MTAP: variants seen among roughly 807,000 people sequenced by gnomAD.
MTAP encodes methylthioadenosine phosphorylase.
MTAP carries 33 observed loss-of-function variants against 33.6 expected under a neutral mutation model. The ratio of observed to expected loss-of-function variants is 0.98; its 90% CI spans 0.74 to 1.31. The LOEUF (loss-of-function observed/expected upper bound fraction) is 1.31. Among genes scored for constraint, MTAP ranks in the 40% most tolerant of loss-of-function variants. MTAP has a pLI of 0.00. For synonymous variants in MTAP, 148 were observed against 125.7 expected (o/e 1.18, Z -1.19); for missense variants, 367 against 360.0 (o/e 1.02, Z -0.16).
downstream of MTAP, chr9:21,937,667 T>TA (rs1309235449): frequency 6.6e-6 from 1 of 152,246 alleles, no homozygotes; most frequent in African/African-American, 2.4e-5. Context: ...TCTTAGTTGT[T>TA]ACTTTTTGTG....
intron 1 of MTAP, among the ~76,000 whole-genome samples, chr9:21,872,692 C>G (rs1185767425): frequency 6.6e-6 from 1 of 152,180 alleles, no homozygotes; most frequent in Non-Finnish European, 1.5e-5. Flanking sequence ...AAATGCTATA[C>G]TACACAGTCT....
chr9:21,901,067 C>T (rs1342600807), intron 1 of MTAP, among the ~76,000 whole-genome samples: 1 of 152,210 alleles, frequency 6.6e-6, no homozygotes, highest in Non-Finnish European at 1.5e-5. Context: ...CTCTTAGGTA[C>T]TATGCTTATT....
intron 5 of MTAP, among the ~76,000 whole-genome samples, chr9:21,854,271 G>C (rs1825583081): frequency 6.6e-6 from 1 of 152,188 alleles, no homozygotes; most frequent in Non-Finnish European, 1.5e-5. Context: ...GAGGTTAAAA[G>C]TTAAGACTCC....
chr9:21,896,856 G>A (rs532605390), intron 1 of MTAP, among the ~76,000 whole-genome samples: 4 of 152,172 alleles, frequency 2.6e-5, no homozygotes, highest in South Asian at 2.1e-4. Context: ...AATAGAAAAA[G>A]AGGGAATCCT....
Position 21,833,085 on chromosome 9 carries a change from C to T in MTAP, c.348-4823C>T, listed in dbSNP as rs144260662. Among the ~76,000 whole-genome samples, 951 of 152,230 alleles carry T rather than the reference C, an allele frequency of 6.2e-3. 21 individuals are homozygous for T. The highest frequency in any genetic ancestry group is 0.055 in the East Asian group (283 of 5,172). On this transcript the variant is annotated intron_variant, in intron 4 of 7. Transcript: ENST00000644715. ...CTTCCTTGACTGGGATATAAACATC[C>T]ATTGGTTTTCCTCCTTTTTCATGCC... is the stretch of plus-strand genomic sequence containing the variant.
downstream of MTAP, among the ~76,000 whole-genome samples, chr9:21,939,124 G>A (rs769732208): frequency 1.3e-5 from 2 of 152,054 alleles, no homozygotes; most frequent in Admixed American, 6.6e-5. Context: ...TTAATCAGGG[G>A]TTTCTGCTTT....
At chr9:21,871,343 C>G (rs1379810469), downstream of MTAP, among the ~76,000 whole-genome samples, 2 of 152,200 alleles carry the variant, frequency 1.3e-5, no homozygotes, top group African/African-American at 4.8e-5. Flanking sequence ...CTCCTTGTCT[C>G]TGGCCTTTTG....
At chr9:21,908,444 A>G (rs1818509361) in intron 1 of MTAP, among the ~76,000 whole-genome samples, 1 of 152,094 alleles carries the variant, frequency 6.6e-6, no homozygotes, top group African/African-American at 2.4e-5. Flanking sequence ...TTTGTGTTAA[A>G]TGTGTTAATT....
intron 1 of MTAP, among the ~76,000 whole-genome samples, chr9:21,908,080 T>C (rs1382242236): frequency 6.6e-6 from 1 of 152,184 alleles, no homozygotes; most frequent in East Asian, 1.9e-4. Context: ...ACCACAAGGA[T>C]CCCTGAAGTT....
In MTAP at chr9:21,855,327, A is replaced by G. The variant is rs1294705767; in HGVS notation, c.690+457A>G. On this transcript the variant is annotated intron_variant, in intron 6 of 7. Transcript: ENST00000644715. ...TGTGACAACAAACAGAGAAGTCCTT[A>G]AGGAGCCGACATTCTGTCGGATGGA... 2.0e-5 allele frequency among the ~76,000 whole-genome samples: 3 copies of G among 152,232 alleles called. No homozygotes were observed. The South Asian group carries it at 6.2e-4, about 31-fold the overall frequency.
intron 1 of MTAP, chr9:21,808,907 T>C (rs866673301): frequency 9.2e-5 from 14 of 152,214 alleles, no homozygotes; most frequent in African/African-American, 2.9e-4. Context: ...TGAAGACACA[T>C]GGAGAACGCT....
At chr9:21,887,733 G>A (rs1019501516) in intron 1 of MTAP, among the ~76,000 whole-genome samples, 55 of 152,150 alleles carry the variant, frequency 3.6e-4, no homozygotes, top group Non-Finnish European at 5.6e-4. Context: ...CACCAACAGT[G>A]TAAAAGTGTT....
intron 7 of MTAP, 86 bp from the exon 8 acceptor site, chr9:21,861,890 A>G: frequency 2.2e-6 from 2 of 897,780 alleles, no homozygotes; most frequent in East Asian, 4.8e-5. Context: ...TTTGATCTAG[A>G]AAATCAAAAT....
At chr9:21,858,594 A>G (rs968770487) in intron 6 of MTAP, among the ~76,000 whole-genome samples, 1 of 152,136 alleles carries the variant, frequency 6.6e-6, no homozygotes, top group South Asian at 2.1e-4. Flanking sequence ...CTATCAGTAA[A>G]ACAGCACCTG....
At chr9:21,880,553 A>G (rs1817989306) in intron 1 of MTAP, among the ~76,000 whole-genome samples, 1 of 152,262 alleles carries the variant, frequency 6.6e-6, no homozygotes, top group South Asian at 2.1e-4. Flanking sequence ...AAGCTCAGCA[A>G]GGTTGTAAGA....
chr9:21,819,701 A>C (rs1824581093), intron 4 of MTAP, among the ~76,000 whole-genome samples: 4 of 152,194 alleles, frequency 2.6e-5, no homozygotes, highest in Admixed American at 6.5e-5. Context: ...TTCTAGATCC[A>C]TGAGAAATCG....
intron 1 of MTAP, among the ~76,000 whole-genome samples, chr9:21,924,827 T>C (rs968973986): frequency 6.6e-6 from 1 of 152,218 alleles, no homozygotes; most frequent in Non-Finnish European, 1.5e-5. Flanking sequence ...CCATTTAATA[T>C]GCAAGACCTG....
At chr9:21,826,867 T>G (rs1452178092) in intron 4 of MTAP, among the ~76,000 whole-genome samples, 2 of 152,042 alleles carry the variant, frequency 1.3e-5, no homozygotes, top group Admixed American at 1.3e-4. Flanking sequence ...CATTACCACC[T>G]GAGCTCCCCA....
downstream of MTAP, chr9:21,934,862 G>A (rs374269654): frequency 2.1e-4 from 32 of 152,030 alleles, no homozygotes; most frequent in East Asian, 3.9e-3. The surrounding 1 kb of genome is among the most constrained non-coding windows in gnomAD (Gnocchi z 5.0). Context: ...CACCATGCCC[G>A]GCTAATTTTT....
Sources: allele counts gnomAD v4.1 joint callset (sites outside exome capture counted in the v4.1 genomes callset), GRCh38; gene constraint gnomAD v4.1.1; non-coding constraint Gnocchi (gnomAD v3.1); transcripts MANE v1.5; gene names NCBI Gene and HGNC (gene_info 2026-07-23, HGNC 2026-07-21).